HERC2: variants seen among roughly 807,000 people sequenced by gnomAD.
The protein encoded by HERC2 is E3 ubiquitin-protein ligase HERC2.
Under a neutral mutation model 537.7 loss-of-function variants are expected in HERC2, and 102 were observed. That is an observed-to-expected ratio of 0.19 (90% CI 0.16 to 0.22). The LOEUF is 0.22. Among genes scored for constraint, HERC2 ranks in the 10% least tolerant of loss-of-function variants. The pLI is 1.00. For missense variants in HERC2, 4,236 were observed against 6,198.2 expected (o/e 0.68, Z 10.63); for synonymous variants, 2,224 against 2,466.2 (o/e 0.90, Z 2.91).
chr15:28,306,186 TATG>T (rs1203998504), intron 2 of HERC2, among the ~76,000 whole-genome samples: 2 of 152,254 alleles, frequency 1.3e-5, no homozygotes, highest in African/African-American at 2.4e-5. Flanking sequence ...CACCTTTCAG[TATG>T]ATACTAGCTG....
At chr15:28,182,360 C>T (rs765848342) in intron 57 of HERC2, 41 bp downstream of exon 57, 16 of 1,311,384 alleles carry the variant, frequency 1.2e-5, no homozygotes, top group East Asian at 9.2e-5. Context: ...TGGCTGCTGC[C>T]GAGTGCCCCA....
chr15:28,168,085 G>C (rs1363889143), intron 67 of HERC2, among the ~76,000 whole-genome samples: 3 of 152,174 alleles, frequency 2.0e-5, no homozygotes, highest in Admixed American at 6.5e-5. Flanking sequence ...ACATGAACCA[G>C]ACTAAAATGA....
In HERC2 at chr15:28,240,458, TAATC is replaced by T. The variant is rs1420463787; in HGVS notation, c.3578-1690_3578-1687del. The stretch of plus-strand genomic sequence containing the variant: ...AAAATAAAATAAAATAAAATAAAAA[TAATC>T]CAATCAATCAAAAATACAGAGAAGT... On this transcript the variant is annotated intron_variant, in intron 23 of 92. Coordinates refer to ENST00000261609, the MANE Select transcript of HERC2 (RefSeq NM_004667.6). Among the ~76,000 whole-genome samples, 4 of 152,070 alleles carry T rather than the reference TAATC, an allele frequency of 2.6e-5. No individual in the cohort carries two copies. The East Asian group carries it at 5.8e-4, about 22-fold the overall frequency.
chr15:28,112,999 G>A (rs1887815052), intron 92 of HERC2, 72 bp downstream of exon 92: 3 of 1,247,340 alleles, frequency 2.4e-6, no homozygotes, highest in African/African-American at 1.5e-5. Context: ...CTGCAGGACT[G>A]TGGGTGAGGA....
intron 30 of HERC2, 133 bp from the exon 31 acceptor site, chr15:28,230,633 A>G: frequency 1.6e-6 from 1 of 610,398 alleles, no homozygotes; most frequent in Non-Finnish European, 2.8e-6. Context: ...ATAAATTGCA[A>G]TGCTCAACAA....
At position 28,131,774 on chromosome 15, in the gene HERC2, G is replaced by A. The variant is rs1890133805; in HGVS notation, c.12570+326C>T. ...CCACACCACTGTAAACTGAGAGAGT[G>A]TGAGCCATGTGATATCCTTCTCTGA... is the stretch of plus-strand genomic sequence containing the variant. On this transcript the variant is annotated intron_variant, in intron 81 of 92. Transcript: ENST00000261609. Among the ~76,000 whole-genome samples, 2 of 152,182 alleles carry A rather than the reference G, an allele frequency of 1.3e-5. 1 individual carries two copies. Among genetic ancestry groups the A allele is most frequent in the South Asian group, 4.1e-4 (2 of 4,834 alleles).
chr15:28,247,044 C>A (rs76160479), intron 21 of HERC2, 147 bp from the exon 22 acceptor site: 37 of 686,072 alleles, frequency 5.4e-5, no homozygotes, highest in Non-Finnish European at 6.8e-5. Context: ...CTTGTCCTTG[C>A]GCTCTTTCTG....
At chr15:28,209,514 T>C (rs1898887137) in intron 44 of HERC2, among the ~76,000 whole-genome samples, 1 of 152,038 alleles carries the variant, frequency 6.6e-6, no homozygotes, top group African/African-American at 2.4e-5. Flanking sequence ...CAGCTAATTT[T>C]TTGTATTTTT....
chr15:28,188,100 A>G (rs1323299498), intron 55 of HERC2, among the ~76,000 whole-genome samples: 1 of 152,020 alleles, frequency 6.6e-6, no homozygotes, highest in African/African-American at 2.4e-5. Flanking sequence ...ACAATTACTC[A>G]GTTTTTTTTT....
rs1338201228 is a variant in HERC2 at position 28,192,133 on chromosome 15, C to A, written c.8279G>T (p.Cys2760Phe). 4 of 1,613,406 alleles carry A rather than the reference C, an allele frequency of 2.5e-6. No homozygotes were observed. Among genetic ancestry groups the A allele is most frequent in the Non-Finnish European group, 3.4e-6 (4 of 1,179,792 alleles). The change falls in exon 53 of 93, where the codon TGT becomes TTT. Residue 2760 changes from cysteine (C) to phenylalanine (F), a missense_variant. Physicochemically the swap from Cys to Phe is radical, Grantham distance 205. Transcript: ENST00000261609. ...INEPGQSAVFCGRSGKQLKRC... is the reference protein window; with the variant it reads ...INEPGQSAVFFGRSGKQLKRC... ...CTTCAGCTGTTTTCCAGAACGGCCACAAAATACCGCAGACTGACCTATTTC... is the reference window on the plus strand; with the variant it reads ...CTTCAGCTGTTTTCCAGAACGGCCAAAAAATACCGCAGACTGACCTATTTC...
chr15:28,298,151 T>G (rs1432277651), intron 3 of HERC2, among the ~76,000 whole-genome samples: 6 of 151,006 alleles, frequency 4.0e-5, no homozygotes, highest in African/African-American at 1.5e-4. Context: ...TTGTTTTGTG[T>G]TTTTTGTTTT....
intron 69 of HERC2, among the ~76,000 whole-genome samples, chr15:28,157,665 A>G (rs1893149653): frequency 6.6e-6 from 1 of 152,078 alleles, no homozygotes; most frequent in Admixed American, 6.5e-5. Flanking sequence ...AGATCTATCA[A>G]TTTTGTTGAT....
intron 21 of HERC2, 137 bp from the exon 22 acceptor site, chr15:28,247,034 C>A: frequency 1.4e-6 from 1 of 724,146 alleles, no homozygotes; most frequent in Admixed American, 3.2e-5. Context: ...CCTGTTAACC[C>A]TTGTCCTTGC....
Position 28,269,478 on chromosome 15 carries a change from C to T in HERC2, c.1258-42G>A, listed in dbSNP as rs1555447018. On this transcript the variant is annotated intron_variant, in intron 10 of 92. Transcript: ENST00000261609. ...TAAACATTTCCTTTAACAACAACAACAATAAAAAAAGGCTGGGAGTAACAC... is the reference window on the plus strand; with the variant it reads ...TAAACATTTCCTTTAACAACAACAATAATAAAAAAAGGCTGGGAGTAACAC... 4.7e-6 allele frequency: 7 copies of T among 1,500,544 alleles called. No homozygotes were observed. In the South Asian group the frequency reaches 7.1e-5, roughly 15 times the overall value. The allele number at this position is 1,500,544 out of a possible 1,614,324, so 93.0% of individuals were successfully genotyped here.
chr15:28,230,533 C>A, intron 30 of HERC2, 33 bp from the exon 31 acceptor site: 1 of 1,086,822 alleles, frequency 9.2e-7, no homozygotes, highest in Non-Finnish European at 1.4e-6. Context: ...CTATAAAAAT[C>A]ATACACTTAA....
chr15:28,143,486 C>A (rs1566938332), intron 74 of HERC2, among the ~76,000 whole-genome samples: 2 of 152,024 alleles, frequency 1.3e-5, no homozygotes, highest in Non-Finnish European at 2.9e-5. Context: ...CTCGCTCTGT[C>A]ACCAGGCTGG....
rs377390750 is a variant in HERC2 at position 28,146,199 on chromosome 15, G to T, written c.11008+38C>A. 3.7e-6 allele frequency: 5 copies of T among 1,360,934 alleles called. 1 individual carries two copies. Among genetic ancestry groups the T allele is most frequent in the Non-Finnish European group, 5.3e-6 (5 of 950,074 alleles). The allele number at this position is 1,360,934 out of a possible 1,614,324, so 84.3% of individuals were successfully genotyped here. A position where few individuals can be genotyped will look rare whatever the true frequency, so the allele number is the denominator to read the frequency against. ...AAGGGTTGTGTCTACGGAGACACAG[G>T]TGGGTAGATCATGCCCTGCTCAACC... On this transcript the variant is annotated intron_variant, in intron 71 of 92. Transcript: ENST00000261609.
rs376124795 is a variant in HERC2 at position 28,275,022 on chromosome 15, C to T, written c.543-17G>A. ...GGCCGGGAACTGCAGACGACACACA[C>T]GGAACATACAACCAGTCAGCAGCAG... On this transcript the variant is annotated splice_polypyrimidine_tract_variant and intron_variant, in intron 5 of 92. Transcript: ENST00000261609. 6.5e-6 allele frequency: 10 copies of T among 1,548,374 alleles called. No homozygotes were observed. Among genetic ancestry groups the T allele is most frequent in the African/African-American group, 5.4e-5 (4 of 73,826 alleles).
At chr15:28,267,064 G>T (rs1157390337) in intron 12 of HERC2, among the ~76,000 whole-genome samples, 1 of 152,194 alleles carries the variant, frequency 6.6e-6, no homozygotes, top group Non-Finnish European at 1.5e-5. Context: ...AAATTTCAAA[G>T]TTAGCAAAAT....
Sources: allele counts gnomAD v4.1 joint callset (sites outside exome capture counted in the v4.1 genomes callset), GRCh38; gene constraint gnomAD v4.1.1; transcripts MANE v1.5; gene names NCBI Gene and HGNC (gene_info 2026-07-23, HGNC 2026-07-21).